ANXA8: variants seen among roughly 807,000 people sequenced by gnomAD.
The protein encoded by ANXA8 is annexin A8, also known as VAC-beta.
A neutral mutation model predicts 26.8 loss-of-function variants in ANXA8; 9 were observed. The ratio of observed to expected loss-of-function variants is 0.34; its 90% CI spans 0.20 to 0.59. The LOEUF (loss-of-function observed/expected upper bound fraction) is 0.59, where lower values mean the gene tolerates loss of function less well. Ranked by LOEUF, ANXA8 falls within the 20% of genes least tolerant of loss-of-function variation. The pLI, the probability that ANXA8 is intolerant of heterozygous loss-of-function variation, is 0.84. For missense variants in ANXA8, 83 were observed against 238.5 expected (o/e 0.35, Z 4.29); for synonymous variants, 39 against 94.8 (o/e 0.41, Z 3.42).
chr10:47,728,637 TC>T, the ANXA8 span, among the ~76,000 whole-genome samples: 1 of 117,772 alleles, frequency 8.5e-6, no homozygotes, highest in African/African-American at 3.5e-5. Flanking sequence ...TTTCCAGCTT[TC>T]TACATCTTAA....
chr10:47,672,889 T>C, the ANXA8 span, among the ~76,000 whole-genome samples: 1 of 151,442 alleles, frequency 6.6e-6, no homozygotes, highest in Non-Finnish European at 1.5e-5. Flanking sequence ...AGAAGTACGG[T>C]TTCTAAAAAC....
At chr10:47,476,545 G>A (rs1449596088) in intron 4 of ANXA8, among the ~76,000 whole-genome samples, 1 of 118,608 alleles carries the variant, frequency 8.4e-6, no homozygotes, top group African/African-American at 3.1e-5. Context: ...TTAGCTGGGT[G>A]GTCTCAGACA....
the ANXA8 span, among the ~76,000 whole-genome samples, chr10:47,722,835 CT>C: frequency 2.8e-5 from 4 of 142,088 alleles, 1 homozygote; most frequent in South Asian, 8.8e-4. Flanking sequence ...AGGCTGTTGC[CT>C]TATTTTGGAG....
the ANXA8 span, among the ~76,000 whole-genome samples, chr10:47,929,953 C>CA: frequency 6.6e-6 from 1 of 152,182 alleles, no homozygotes; most frequent in Admixed American, 6.5e-5. Flanking sequence ...CCATCATACT[C>CA]AGGGCAAATT....
chr10:47,743,313 C>CATATATATATACACATATATAT, the ANXA8 span, among the ~76,000 whole-genome samples: 15 of 27,562 alleles, frequency 5.4e-4, 4 homozygotes, highest in Non-Finnish European at 1.1e-3. Context: ...TATATATATA[C>CATATATATATACACATATATAT]ACATATATAT....
the ANXA8 span, among the ~76,000 whole-genome samples, chr10:47,685,926 C>T: frequency 1.1e-4 from 17 of 148,690 alleles, no homozygotes; most frequent in African/African-American, 3.7e-4. Flanking sequence ...CAGTAAATGT[C>T]GTATATGCCT....
the ANXA8 span, chr10:47,563,623 TGTGA>T: frequency 1.1e-6 from 1 of 887,128 alleles, no homozygotes; most frequent in Non-Finnish European, 1.9e-6. Context: ...ATAGCACTGA[TGTGA>T]GTGTAGATGA....
At chr10:47,580,283 GAAC>G in the ANXA8 span, among the ~76,000 whole-genome samples, 1 of 152,286 alleles carries the variant, frequency 6.6e-6, no homozygotes, top group African/African-American at 2.4e-5. Context: ...TAGAGGAATT[GAAC>G]AACACACTAA....
chr10:47,956,806 C>T, the ANXA8 span, among the ~76,000 whole-genome samples: 2 of 149,948 alleles, frequency 1.3e-5, no homozygotes, highest in South Asian at 4.2e-4. Flanking sequence ...GACACCACCT[C>T]CTGCAGTTGG....
At chr10:47,492,586 G>T in the ANXA8 span, among the ~76,000 whole-genome samples, 7 of 143,926 alleles carry the variant, frequency 4.9e-5, no homozygotes, top group Non-Finnish European at 1.1e-4. Flanking sequence ...AGCCCAACCT[G>T]AGCCTCCGTT....
the ANXA8 span, among the ~76,000 whole-genome samples, chr10:47,693,890 A>G: frequency 6.6e-6 from 1 of 151,784 alleles, no homozygotes; most frequent in African/African-American, 2.4e-5. Flanking sequence ...TCATTAATTG[A>G]TTTAGTATGA....
chr10:47,668,280 G>T, the ANXA8 span, among the ~76,000 whole-genome samples: 1 of 150,668 alleles, frequency 6.6e-6, no homozygotes, highest in Non-Finnish European at 1.5e-5. Context: ...GAAAAGTATC[G>T]ATTTTTTTTC....
At chr10:47,474,851 C>T (rs1839461150) in intron 7 of ANXA8, 94 bp downstream of exon 7, 5 of 1,459,948 alleles carry the variant, frequency 3.4e-6, no homozygotes, top group Non-Finnish European at 4.6e-6. Flanking sequence ...TGGGTGGGTC[C>T]CAGCCCAGTG....
chr10:47,938,911 C>T, the ANXA8 span, among the ~76,000 whole-genome samples: 1 of 142,904 alleles, frequency 7.0e-6, no homozygotes, highest in Admixed American at 6.9e-5. Context: ...TCTTCCTCTA[C>T]AGGCTCTGCC....
At chr10:47,683,784 TGTCATTTGA>T in the ANXA8 span, among the ~76,000 whole-genome samples, 2 of 151,202 alleles carry the variant, frequency 1.3e-5, no homozygotes, top group African/African-American at 4.9e-5. Context: ...GTGGCTTCTT[TGTCATTTGA>T]TGCTATTGAG....
the ANXA8 span, among the ~76,000 whole-genome samples, chr10:47,497,619 C>CAA: frequency 4.4e-5 from 5 of 114,136 alleles, no homozygotes; most frequent in African/African-American, 1.3e-4. Flanking sequence ...ACCTCCATCT[C>CAA]AAAAAAAAAA....
the ANXA8 span, among the ~76,000 whole-genome samples, chr10:47,665,675 A>G: frequency 6.7e-6 from 1 of 149,636 alleles, no homozygotes; most frequent in Non-Finnish European, 1.5e-5. Context: ...AGCTGTGGGG[A>G]GCACAAAATA....
the ANXA8 span, among the ~76,000 whole-genome samples, chr10:47,597,415 G>C: frequency 6.8e-6 from 1 of 147,640 alleles, no homozygotes; most frequent in Non-Finnish European, 1.5e-5. Context: ...AGAATGATCA[G>C]ACAAAAGCAA....
the ANXA8 span, among the ~76,000 whole-genome samples, chr10:47,709,140 TA>T: frequency 1.4e-5 from 2 of 144,364 alleles, no homozygotes; most frequent in African/African-American, 2.7e-5. Context: ...CATTTACTTT[TA>T]AAAACTTTTA....
Sources: allele counts gnomAD v4.1 joint callset (sites outside exome capture counted in the v4.1 genomes callset), GRCh38; gene constraint gnomAD v4.1.1; transcripts MANE v1.5; gene names NCBI Gene and HGNC (gene_info 2026-07-23, HGNC 2026-07-21).